PUM2: variants seen among roughly 807,000 people sequenced by gnomAD.
The protein encoded by PUM2 is pumilio homolog 2.
Under a neutral mutation model 124.5 loss-of-function variants are expected in PUM2, and 57 were observed. That is an observed-to-expected ratio of 0.46 (90% CI 0.37 to 0.57). The LOEUF is 0.57. PUM2 is among the 20% of genes least tolerant of loss of function. The pLI is 0.00. For synonymous variants in PUM2, 460 were observed against 446.1 expected, an observed-to-expected ratio of 1.03 and a Z score of -0.39; for missense variants, 1,065 against 1,290.6, an observed-to-expected ratio of 0.83 and a Z score of 2.68.
chr2:20,299,872 A>G (rs1257626401), intron 7 of PUM2, among the ~76,000 whole-genome samples: 2 of 152,218 alleles, frequency 1.3e-5, no homozygotes, highest in Non-Finnish European at 2.9e-5. Context: ...GCCAAATATA[A>G]GGGCCATAGG....
In PUM2 at chr2:20,263,494, T is replaced by C. The variant is rs1666794217; in HGVS notation, c.1958-34A>G. ...AAGCAGCTATGGTCAGCAAGTATTT[T>C]TGACAAAGTTATTCCTCAAATAAAA... On this transcript the variant is annotated intron_variant, in intron 13 of 20. Coordinates refer to ENST00000361078, the MANE Select transcript of PUM2 (RefSeq NM_015317.5). 1.9e-6 allele frequency: 3 copies of C among 1,556,964 alleles called. No homozygotes were observed. In the East Asian group the frequency reaches 6.8e-5, roughly 35 times the overall value.
At chr2:20,268,140 AG>A (rs1288112965) in intron 13 of PUM2, among the ~76,000 whole-genome samples, 1 of 152,162 alleles carries the variant, frequency 6.6e-6, no homozygotes, top group Admixed American at 6.5e-5. Flanking sequence ...TCAATCTATG[AG>A]GCCTGTTTAA....
chr2:20,351,480 C>A (rs1421712463), upstream of PUM2, among the ~76,000 whole-genome samples: 1 of 152,238 alleles, frequency 6.6e-6, no homozygotes, highest in Non-Finnish European at 1.5e-5. Flanking sequence ...TCCCGGTGCA[C>A]ACAAAGGAAA....
chr2:20,316,626 G>C (rs1197804299), intron 3 of PUM2, among the ~76,000 whole-genome samples: 1 of 152,108 alleles, frequency 6.6e-6, no homozygotes, highest in Non-Finnish European at 1.5e-5. Flanking sequence ...TACAACTATG[G>C]GCCGAACAAG....
At chr2:20,327,885 G>A (rs570038583) in intron 1 of PUM2, among the ~76,000 whole-genome samples, 7 of 152,244 alleles carry the variant, frequency 4.6e-5, no homozygotes, top group South Asian at 2.1e-4. Flanking sequence ...GCCATGTCCC[G>A]TGTATAAATT....
chr2:20,296,260 C>T (rs945289106), intron 8 of PUM2, among the ~76,000 whole-genome samples: 3 of 152,188 alleles, frequency 2.0e-5, no homozygotes, highest in Non-Finnish European at 2.9e-5. Flanking sequence ...CTTTGGGAGG[C>T]CGAGGCAGGC....
chr2:20,248,921 G>A lies in PUM2; in HGVS notation c.*2664C>T, dbSNP rs1558451683. On this transcript the variant is annotated 3_prime_UTR_variant, in exon 21 of 21. Transcript: ENST00000361078. ...AAAGCCTAGGTAGTTTTGCCCAATTGTTTTATTCTGAAATGTGATTTTCAG... is the reference window on the plus strand; with the variant it reads ...AAAGCCTAGGTAGTTTTGCCCAATTATTTTATTCTGAAATGTGATTTTCAG... 1 of 152,452 alleles carries A rather than the reference G, an allele frequency of 6.6e-6. No homozygotes were observed. Among genetic ancestry groups the A allele is most frequent in the Non-Finnish European group, 1.5e-5 (1 of 68,016 alleles). 9.4% of individuals were successfully genotyped at this position (152,452 alleles called of 1,614,324 possible).
Position 20,340,174 on chromosome 2 carries a change from T to C in PUM2, c.-19+10423A>G, listed in dbSNP as rs540067847. Reference sequence around the variant, plus strand: ...AAGTGAACTGGTTTAAAAAAAAATCTGTCATTACTCCTGTCATCCAAGACT... The same window carrying C: ...AAGTGAACTGGTTTAAAAAAAAATCCGTCATTACTCCTGTCATCCAAGACT... On this transcript the variant is annotated intron_variant, in intron 1 of 20. Coordinates refer to ENST00000361078, the MANE Select transcript of PUM2 (RefSeq NM_015317.5). 1.4e-3 allele frequency among the ~76,000 whole-genome samples: 210 copies of C among 152,344 alleles called. 2 individuals carry two copies. Among genetic ancestry groups the C allele is most frequent in the African/African-American group, 4.9e-3 (204 of 41,586 alleles).
At chr2:20,338,525 C>G (rs1271327086) in intron 1 of PUM2, among the ~76,000 whole-genome samples, 7 of 152,250 alleles carry the variant, frequency 4.6e-5, no homozygotes, top group African/African-American at 1.4e-4. Flanking sequence ...AACAATCCTT[C>G]TCTTAATTCC....
At chr2:20,336,163 A>G (rs374287132) in intron 1 of PUM2, among the ~76,000 whole-genome samples, 36 of 152,114 alleles carry the variant, frequency 2.4e-4, no homozygotes, top group African/African-American at 4.8e-4. Context: ...AACTGTTTAC[A>G]TAACACAAAA....
intron 9 of PUM2, among the ~76,000 whole-genome samples, chr2:20,293,134 C>T (rs1674630274): frequency 6.6e-6 from 1 of 152,126 alleles, no homozygotes; most frequent in Non-Finnish European, 1.5e-5. Flanking sequence ...AAGGTGAAAA[C>T]TTAGTCTGGT....
intron 7 of PUM2, among the ~76,000 whole-genome samples, chr2:20,306,145 C>T (rs1014027584): frequency 6.6e-6 from 1 of 152,010 alleles, no homozygotes; most frequent in Non-Finnish European, 1.5e-5. Context: ...GCAGCAGTTG[C>T]AGTGAGCCAA....
chr2:20,320,993 T>C (rs1457214072), intron 2 of PUM2, among the ~76,000 whole-genome samples: 1 of 152,212 alleles, frequency 6.6e-6, no homozygotes, highest in Non-Finnish European at 1.5e-5. Context: ...TAATCTAAAG[T>C]TGTAATAACT....
In PUM2 at chr2:20,286,797, A is replaced by G. The variant is rs565812576; in HGVS notation, c.1292-3311T>C. On this transcript the variant is annotated intron_variant, in intron 10 of 20. Transcript: ENST00000361078. ...AATCATTAAAACCTATATATTCTCT[A>G]TGCTATGTTTTTGTTCTAATCCACA... Among the ~76,000 whole-genome samples, 12 of 152,188 alleles carry G rather than the reference A, an allele frequency of 7.9e-5. No homozygotes were observed. The South Asian group carries it at 2.1e-3, about 26-fold the overall frequency.
chr2:20,346,940 A>G (rs758347866), intron 1 of PUM2, among the ~76,000 whole-genome samples: 6 of 152,184 alleles, frequency 3.9e-5, no homozygotes, highest in African/African-American at 1.2e-4. Context: ...TTTGCAGTCA[A>G]TCAAACCATC....
At chr2:20,345,646 G>A (rs1022920462) in intron 1 of PUM2, among the ~76,000 whole-genome samples, 5 of 152,114 alleles carry the variant, frequency 3.3e-5, no homozygotes, top group Admixed American at 1.3e-4. Flanking sequence ...GGATGAAGCA[G>A]GTGGATCACT....
chr2:20,272,473 T>C (rs572929929), intron 13 of PUM2, among the ~76,000 whole-genome samples: 7 of 152,174 alleles, frequency 4.6e-5, no homozygotes, highest in South Asian at 2.1e-4. Flanking sequence ...AACTTGGTCA[T>C]TAGGTATCTA....
intron 12 of PUM2, among the ~76,000 whole-genome samples, chr2:20,280,566 T>TC (rs1321533607): frequency 1.3e-5 from 2 of 152,160 alleles, no homozygotes; most frequent in African/African-American, 4.8e-5. Flanking sequence ...GCAGCATTAT[T>TC]CCCCTGACAA....
Position 20,332,215 on chromosome 2 carries a change from C to T in PUM2, c.-18-4837G>A, listed in dbSNP as rs565081298. ...AACTCAAATACACAAAATCCACTTC[C>T]AAATATGAGTATACTGAAAGTTAAG... On this transcript the variant is annotated intron_variant, in intron 1 of 20. Transcript: ENST00000361078. Among the ~76,000 whole-genome samples, 26 of 151,842 alleles carry T rather than the reference C, an allele frequency of 1.7e-4. No homozygotes were observed. In the South Asian group the frequency reaches 5.2e-3, roughly 30 times the overall value.
Sources: allele counts gnomAD v4.1 joint callset (sites outside exome capture counted in the v4.1 genomes callset), GRCh38; gene constraint gnomAD v4.1.1; transcripts MANE v1.5; gene names NCBI Gene and HGNC (gene_info 2026-07-23, HGNC 2026-07-21).